Variants in FRRS1 observed in about 807,000 individuals in gnomAD.
FRRS1 encodes the protein ferric chelate reductase 1.
Under a neutral mutation model 70.7 loss-of-function variants are expected in FRRS1, and 51 were observed. The ratio of observed to expected loss-of-function variants is 0.72; its 90% CI spans 0.58 to 0.91. The LOEUF is 0.91. FRRS1 is among the 40% of genes least tolerant of loss of function. FRRS1 has a pLI of 0.00. For missense variants in FRRS1, 672 were observed against 726.0 expected (o/e 0.93, Z 0.86); for synonymous variants, 225 against 238.7 (o/e 0.94, Z 0.53).
intron 9 of FRRS1, 91 bp downstream of exon 9, chr1:99,728,402 G>A (rs1478790767): frequency 2.8e-6 from 3 of 1,074,636 alleles, no homozygotes; most frequent in Non-Finnish European, 2.7e-6. Flanking sequence ...CTTAAAAACG[G>A]GCAATTACAG....
rs1011307654 is a variant in FRRS1, at chr1:99,707,131, G to T, written c.*1897C>A. Reference sequence around the variant, plus strand: ...CATATCTAAGCCCTAAGCCACTTATGATAAACACCTATAAAAGGAACAAAA... The same window carrying T: ...CATATCTAAGCCCTAAGCCACTTATTATAAACACCTATAAAAGGAACAAAA... On this transcript the variant is annotated 3_prime_UTR_variant, in exon 17 of 17. Coordinates refer to ENST00000646001, the MANE Select transcript of FRRS1 (RefSeq NM_001361041.2). 6.6e-6 allele frequency among the ~76,000 whole-genome samples: 1 copy of T among 151,866 alleles called. No individual in the cohort carries two copies. The highest frequency in any genetic ancestry group is 1.5e-5 in the Non-Finnish European group (1 of 67,974).
chr1:99,744,450 G>T (rs1214904941), intron 4 of FRRS1, among the ~76,000 whole-genome samples: 1 of 152,102 alleles, frequency 6.6e-6, no homozygotes, highest in Admixed American at 6.6e-5. Context: ...GAAAATCATT[G>T]AAGATACCAT....
At chr1:99,738,569 A>T (rs1655795197) in intron 6 of FRRS1, among the ~76,000 whole-genome samples, 1 of 152,220 alleles carries the variant, frequency 6.6e-6, no homozygotes, top group Non-Finnish European at 1.5e-5. Context: ...AACATTTCAC[A>T]TTAAGTAAGT....
chr1:99,732,521 A>G (rs1238198536), intron 7 of FRRS1, among the ~76,000 whole-genome samples: 1 of 152,230 alleles, frequency 6.6e-6, no homozygotes, highest in Non-Finnish European at 1.5e-5. Flanking sequence ...GGCTTATCAG[A>G]AAAGACAGTA....
In FRRS1 at chr1:99,704,563, G is replaced by C. The variant is rs530304469; in HGVS notation, c.*4465C>G. On this transcript the variant is annotated 3_prime_UTR_variant, in exon 17 of 17. Transcript: ENST00000646001. ...GGTCTAAGTGAGGACAGGCACCCCT[G>C]CCTTCAGCGCCCAAATGTTGCATTT... 2.6e-5 allele frequency among the ~76,000 whole-genome samples: 4 copies of C among 152,156 alleles called. No homozygotes were observed. The highest frequency in any genetic ancestry group is 6.5e-5 in the Admixed American group (1 of 15,286).
chr1:99,744,064 T>TAAAA (rs112254806), intron 4 of FRRS1, among the ~76,000 whole-genome samples: 31,524 of 123,922 alleles, frequency 0.25, 3,647 homozygotes, highest in South Asian at 0.41. Context: ...AGAACGATTG[T>TAAAA]AAAAAAAAAA....
chr1:99,730,675 G>T (rs1169237350), intron 7 of FRRS1, among the ~76,000 whole-genome samples: 1 of 152,124 alleles, frequency 6.6e-6, no homozygotes, highest in Non-Finnish European at 1.5e-5. Flanking sequence ...AGACCATCCT[G>T]GCTAACATGG....
At position 99,709,113 on chromosome 1, in the gene FRRS1, G is replaced by T. The variant is rs751217187; in HGVS notation, c.1694C>A (p.Ala565Asp). Residue 565 changes from alanine (A) to aspartate (D), a missense_variant, in exon 17 of 17, where the codon GCT becomes GAT. Transcript: ENST00000646001. ...AATTGCCAACACTGCCTTTTTAAAA[G>T]CATGACCCTGAAAGAAAAATTGAGA... ...SFTAVETEGH[A>D]FKKAVLAIYV... The T allele has an allele frequency of 8.1e-6, 13 of 1,611,294 alleles. No individual in the cohort carries two copies. In the African/African-American group the frequency reaches 1.3e-4, roughly 17 times the overall value.
At chr1:99,734,955 T>A (rs1328199071) in intron 7 of FRRS1, among the ~76,000 whole-genome samples, 1 of 152,168 alleles carries the variant, frequency 6.6e-6, no homozygotes, top group East Asian at 1.9e-4. Context: ...AATAAGATGA[T>A]ACAGCGCAGT....
chr1:99,717,430 CA>C lies in FRRS1; in HGVS notation c.1215del (p.Gly406ValfsTer47). 1 of 1,613,778 alleles carries C rather than the reference CA, an allele frequency of 6.2e-7. No homozygotes were observed. The highest frequency in any genetic ancestry group is 8.5e-7 in the Non-Finnish European group (1 of 1,179,672). On this transcript the variant is annotated frameshift_variant, in exon 11 of 17. Transcript: ENST00000646001. LOFTEE classifies it high-confidence loss of function. ...FKPVWSKAFL[L>X]GEAAWFQVHR... ...CCTACCTGAAACCAAGCTGCTTCAC[CA>C]AGCAAGAAAGCTTTTGACCAAACTG...
chr1:99,728,502 C>T lies in FRRS1; in HGVS notation c.997G>A (p.Ala333Thr), dbSNP rs769067245. The change falls in exon 9 of 17, where the codon GCT becomes ACT. Residue 333 changes from alanine to threonine, a missense_variant. Coordinates refer to ENST00000646001, the MANE Select transcript of FRRS1 (RefSeq NM_001361041.2). ...SYYIFLADGA[A>T]NDGRIYKHSQ... is the part of the protein sequence containing the mutation. ...TTAACAATATACTTACCATCATTAG[C>T]TGCACCATCTGCTAGAAATATGTAA... 5.0e-6 allele frequency: 8 copies of T among 1,610,502 alleles called. No homozygotes were observed. Among genetic ancestry groups the T allele is most frequent in the Non-Finnish European group, 6.8e-6 (8 of 1,177,256 alleles).
chr1:99,709,004 G>C lies in FRRS1; in HGVS notation c.*24C>G. 1 of 1,613,778 alleles carries C rather than the reference G, an allele frequency of 6.2e-7. No homozygotes were observed. The highest frequency in any genetic ancestry group is 2.2e-5 in the East Asian group (1 of 44,864). On this transcript the variant is annotated 3_prime_UTR_variant, in exon 17 of 17. Coordinates refer to ENST00000646001, the MANE Select transcript of FRRS1 (RefSeq NM_001361041.2). The stretch of plus-strand genomic sequence containing the variant: ...TTTGATGATAATTATCACTTGGCCT[G>C]CAAAAGCCAAGGTCTTTGCTTGCTC...
chr1:99,739,371 T>G (rs1655841906), intron 6 of FRRS1, among the ~76,000 whole-genome samples: 2 of 152,240 alleles, frequency 1.3e-5, no homozygotes, highest in Admixed American at 6.5e-5. Flanking sequence ...AGATTCCTAC[T>G]GGGAAGCTCA....
intron 9 of FRRS1, among the ~76,000 whole-genome samples, chr1:99,727,781 T>G (rs1571114890): frequency 6.6e-6 from 1 of 152,230 alleles, no homozygotes; most frequent in East Asian, 1.9e-4. Context: ...CTGCAGTTCC[T>G]CAAAAATCAT....
At chr1:99,732,405 T>C (rs972950743) in intron 7 of FRRS1, among the ~76,000 whole-genome samples, 2 of 152,190 alleles carry the variant, frequency 1.3e-5, no homozygotes, top group African/African-American at 4.8e-5. Flanking sequence ...AATGACTTTA[T>C]TATAAGAATA....
chr1:99,761,531 A>T (rs1280056700), intron 1 of FRRS1, among the ~76,000 whole-genome samples: 1 of 152,220 alleles, frequency 6.6e-6, no homozygotes, highest in Non-Finnish European at 1.5e-5. Context: ...TAGCCCTCAC[A>T]ATAATTCTTT....
intron 10 of FRRS1, 115 bp from the exon 11 acceptor site, chr1:99,717,640 C>A (rs1654600955): frequency 2.9e-6 from 2 of 697,470 alleles, no homozygotes; most frequent in East Asian, 2.6e-5. Context: ...ATTCAGCTGA[C>A]ATAAGTACAA....
intron 5 of FRRS1, among the ~76,000 whole-genome samples, chr1:99,741,724 C>A (rs1275656791): frequency 6.6e-6 from 1 of 152,170 alleles, no homozygotes; most frequent in Non-Finnish European, 1.5e-5. Context: ...AGGAGCCAAT[C>A]TAAAAGTAGT....
chr1:99,735,050 T>TTCATCTTC (rs1655581564), intron 7 of FRRS1, among the ~76,000 whole-genome samples: 1 of 152,242 alleles, frequency 6.6e-6, no homozygotes, highest in Non-Finnish European at 1.5e-5. Flanking sequence ...AAGAGGTATG[T>TTCATCTTC]ACAGTACATC....
Sources: gnomAD v4.1 joint callset for allele counts (sites outside exome capture counted in the v4.1 genomes callset) on GRCh38, gnomAD v4.1.1 for gene constraint, MANE v1.5 for transcripts, NCBI Gene and HGNC (gene_info 2026-07-23, HGNC 2026-07-21) for gene names.